Variants in KIRREL3 observed in about 807,000 individuals in gnomAD.
KIRREL3 encodes the protein kin of IRRE-like protein 3.
In KIRREL3, 36 loss-of-function variants were observed where a neutral mutation model predicts 89.7. The observed-to-expected ratio is 0.40, with a 90% CI of 0.31 to 0.53. KIRREL3 has a LOEUF of 0.53. KIRREL3 is among the 20% of genes least tolerant of loss of function. The pLI, the probability that KIRREL3 is intolerant of heterozygous loss-of-function variation, is 0.49. For missense variants in KIRREL3, 864 were observed against 1,056.6 expected (o/e 0.82, Z 2.53); for synonymous variants, 445 against 441.4 (o/e 1.01, Z -0.10).
Position 126,953,993 on chromosome 11 carries a change from G to A in KIRREL3, c.55+46462C>T, listed in dbSNP as rs1397803973. Among the ~76,000 whole-genome samples the A allele has an allele frequency of 1.3e-5, 2 of 152,164 alleles. No homozygotes were observed. Among genetic ancestry groups the A allele is most frequent in the Admixed American group, 1.3e-4 (2 of 15,278 alleles). The stretch of plus-strand genomic sequence containing the variant: ...TGACACAACGACAAGATGCACATCT[G>A]TCAGAGGTGTGAGCCTGTGTGTGTG... On this transcript the variant is annotated intron_variant, in intron 1 of 16. Transcript: ENST00000525144. The surrounding 1 kb of genome is among the most constrained non-coding windows in gnomAD (Gnocchi z 5.2).
At chr11:126,478,791 A>C (rs1049866932) in intron 4 of KIRREL3, among the ~76,000 whole-genome samples, 2 of 151,960 alleles carry the variant, frequency 1.3e-5, no homozygotes, top group Non-Finnish European at 2.9e-5. Context: ...GTGTGTGTGC[A>C]TGCATGTGTG....
At chr11:126,825,703 G>C (rs1943382721) in intron 1 of KIRREL3, among the ~76,000 whole-genome samples, 1 of 152,078 alleles carries the variant, frequency 6.6e-6, no homozygotes, top group African/African-American at 2.4e-5. Context: ...CAGGTTCATT[G>C]GTCCCTTTGA....
At chr11:126,888,793 C>T (rs1565386434) in intron 1 of KIRREL3, among the ~76,000 whole-genome samples, 1 of 152,190 alleles carries the variant, frequency 6.6e-6, no homozygotes, top group African/African-American at 2.4e-5. Context: ...GTAGCACTGA[C>T]CCATTTCATT....
intron 1 of KIRREL3, among the ~76,000 whole-genome samples, chr11:126,880,749 G>T (rs1945466279): frequency 6.6e-6 from 1 of 151,894 alleles, no homozygotes; most frequent in South Asian, 2.1e-4. Context: ...TATATTTATG[G>T]AAAGCTAAAT....
At chr11:126,732,041 T>C (rs1252546316) in intron 1 of KIRREL3, among the ~76,000 whole-genome samples, 5 of 152,204 alleles carry the variant, frequency 3.3e-5, no homozygotes, top group African/African-American at 1.2e-4. Context: ...CTGGCTTCTC[T>C]GCTGGTTTCC....
chr11:126,927,619 C>T (rs995336366), intron 1 of KIRREL3, among the ~76,000 whole-genome samples: 11 of 152,184 alleles, frequency 7.2e-5, no homozygotes, highest in Non-Finnish European at 1.5e-4. Context: ...TGGCTTTTTA[C>T]TAAGCCATCT....
rs528780877 is a variant in KIRREL3, at chr11:126,844,282, T to C, written c.55+156173A>G. ...GACCCAAATGCTAACTTTGGGTAAG[T>C]GGTGGGGTCCGGTGACATCTTTCTG... On this transcript the variant is annotated intron_variant, in intron 1 of 16. Coordinates refer to ENST00000525144, the MANE Select transcript of KIRREL3 (RefSeq NM_032531.4). This position sits in a 1 kb window ranked among gnomAD's most constrained non-coding sequence, Gnocchi z 4.8. Among the ~76,000 whole-genome samples, 76 of 151,758 alleles carry C rather than the reference T, an allele frequency of 5.0e-4. No homozygotes were observed. Among genetic ancestry groups the C allele is most frequent in the African/African-American group, 1.8e-3 (75 of 41,368 alleles).
Position 126,430,924 on chromosome 11 carries a change from A to G in KIRREL3, c.1696+495T>C. On this transcript the variant is annotated intron_variant, in intron 14 of 16. Coordinates refer to ENST00000525144, the MANE Select transcript of KIRREL3 (RefSeq NM_032531.4). The surrounding 1 kb of genome is among the most constrained non-coding windows in gnomAD (Gnocchi z 6.6). ...CACAAACACTAGAATTTTATTGGTAATCACTGAAGACCTTTAAAAGTTTTC... is the reference window on the plus strand; with the variant it reads ...CACAAACACTAGAATTTTATTGGTAGTCACTGAAGACCTTTAAAAGTTTTC... 1 of 980,182 alleles carries G rather than the reference A, an allele frequency of 1.0e-6. No individual in the cohort carries two copies. The highest frequency in any genetic ancestry group is 1.2e-6 in the Non-Finnish European group (1 of 817,762). 60.7% of individuals were successfully genotyped at this position (980,182 alleles called of 1,614,324 possible).
chr11:126,589,270 G>A (rs576795925), intron 1 of KIRREL3, among the ~76,000 whole-genome samples: 2 of 152,366 alleles, frequency 1.3e-5, no homozygotes, highest in Admixed American at 1.3e-4. Context: ...AAGAGTCTGG[G>A]CTGTTGGCAG....
At chr11:126,437,081 G>A (rs2134166134) in intron 11 of KIRREL3, 72 bp from the exon 12 acceptor site, 1 of 1,359,820 alleles carries the variant, frequency 7.4e-7, no homozygotes, top group South Asian at 1.5e-5. Context: ...CAGAGTCACA[G>A]TGCCACTGTC....
intron 1 of KIRREL3, among the ~76,000 whole-genome samples, chr11:126,854,697 T>A (rs959536152): frequency 6.6e-6 from 1 of 152,232 alleles, no homozygotes; most frequent in African/African-American, 2.4e-5. Flanking sequence ...TGTACGAACA[T>A]CTGTTTCAAT....
Position 126,443,612 on chromosome 11 carries a change from T to G in KIRREL3, c.1252+1367A>C, listed in dbSNP as rs1046484775. ...GGAGAGGAATGGAAATGCGGGGCAG[T>G]GTGGGGGGAGCTGGTGAATGGAGAC... On this transcript the variant is annotated intron_variant, in intron 10 of 16. Transcript: ENST00000525144. The surrounding 1 kb of genome is among the most constrained non-coding windows in gnomAD (Gnocchi z 7.3). Among the ~76,000 whole-genome samples, 1 of 148,942 alleles carries G rather than the reference T, an allele frequency of 6.7e-6. No homozygotes were observed. The highest frequency in any genetic ancestry group is 2.5e-5 in the African/African-American group (1 of 40,204).
In KIRREL3 at chr11:126,747,533, T is replaced by C. The variant is rs1949193058; in HGVS notation, c.56-184621A>G. Among the ~76,000 whole-genome samples, 1 of 152,158 alleles carries C rather than the reference T, an allele frequency of 6.6e-6. No individual in the cohort carries two copies. The highest frequency in any genetic ancestry group is 2.1e-4 in the South Asian group (1 of 4,788). On this transcript the variant is annotated intron_variant, in intron 1 of 16. Coordinates refer to ENST00000525144, the MANE Select transcript of KIRREL3 (RefSeq NM_032531.4). The surrounding 1 kb of genome is among the most constrained non-coding windows in gnomAD (Gnocchi z 4.7). ...TTCATCCATCAAAGGCCTGCTCACA[T>C]GTTCCCTCTCTGCAAAGCAGTGCTC...
rs1950280920 is a variant in KIRREL3, at chr11:127,000,149, T to C, written c.55+306A>G. 6.6e-6 allele frequency among the ~76,000 whole-genome samples: 1 copy of C among 152,160 alleles called. No individual in the cohort carries two copies. The highest frequency in any genetic ancestry group is 1.5e-5 in the Non-Finnish European group (1 of 68,030). ...GCGGCATAACCACAGAGATACTACC[T>C]AATTAACATACCAGAAGCATAAAGA... On this transcript the variant is annotated intron_variant, in intron 1 of 16. Coordinates refer to ENST00000525144, the MANE Select transcript of KIRREL3 (RefSeq NM_032531.4). This position sits in a 1 kb window ranked among gnomAD's most constrained non-coding sequence, Gnocchi z 7.1.
chr11:126,811,721 G>A lies in KIRREL3; in HGVS notation c.55+188734C>T, dbSNP rs1386784614. Among the ~76,000 whole-genome samples the A allele has an allele frequency of 2.6e-5, 4 of 152,142 alleles. No individual in the cohort carries two copies. The highest frequency in any genetic ancestry group is 9.7e-5 in the African/African-American group (4 of 41,416). On this transcript the variant is annotated intron_variant, in intron 1 of 16. Transcript: ENST00000525144. The surrounding 1 kb of genome is among the most constrained non-coding windows in gnomAD (Gnocchi z 4.3). ...TCTGCTTCAGCCTCCCAAGTAGCGG[G>A]GATTACCGGCGCCTGCTACCATGCC... is the stretch of plus-strand genomic sequence containing the variant.
At chr11:126,871,614 T>C (rs1238710074) in intron 1 of KIRREL3, among the ~76,000 whole-genome samples, 1 of 152,120 alleles carries the variant, frequency 6.6e-6, no homozygotes, top group Non-Finnish European at 1.5e-5. Flanking sequence ...AAAACCTGGA[T>C]TATTGAGGGG....
rs1437189271 is a variant in KIRREL3, at chr11:126,574,444, A to C, written c.56-11532T>G. ...GGCTTTGAGTATGGAATCAACCTCA[A>C]ACAGGTCCAGGGGAGCGATTCTGAG... On this transcript the variant is annotated intron_variant, in intron 1 of 16. Coordinates refer to ENST00000525144, the MANE Select transcript of KIRREL3 (RefSeq NM_032531.4). This position sits in a 1 kb window ranked among gnomAD's most constrained non-coding sequence, Gnocchi z 5.3. Among the ~76,000 whole-genome samples the C allele has an allele frequency of 6.6e-6, 1 of 152,222 alleles. No individual in the cohort carries two copies. Among genetic ancestry groups the C allele is most frequent in the Non-Finnish European group, 1.5e-5 (1 of 68,032 alleles).
At chr11:126,638,826 A>G (rs1296295049) in intron 1 of KIRREL3, among the ~76,000 whole-genome samples, 1 of 152,130 alleles carries the variant, frequency 6.6e-6, no homozygotes, top group Non-Finnish European at 1.5e-5. Flanking sequence ...AGTCTTCAAA[A>G]GCCGGCTAAT....
intron 1 of KIRREL3, among the ~76,000 whole-genome samples, chr11:126,657,931 G>A (rs995183931): frequency 2.6e-5 from 4 of 152,302 alleles, no homozygotes; most frequent in Admixed American, 6.5e-5. Flanking sequence ...CCAGCAGAGC[G>A]CAATTCATGA....
Sources: allele counts gnomAD v4.1 joint callset (sites outside exome capture counted in the v4.1 genomes callset), GRCh38; gene constraint gnomAD v4.1.1; non-coding constraint Gnocchi (gnomAD v3.1); transcripts MANE v1.5; gene names NCBI Gene and HGNC (gene_info 2026-07-23, HGNC 2026-07-21).